BRINP3: variants seen among roughly 807,000 people sequenced by gnomAD.
The protein encoded by BRINP3 is BMP/retinoic acid inducible neural specific 3.
Under a neutral mutation model 71.0 loss-of-function variants are expected in BRINP3, and 19 were observed. That is an observed-to-expected ratio of 0.27 (90% CI 0.19 to 0.39). BRINP3 has a LOEUF of 0.39. Ranked by LOEUF, BRINP3 falls within the 10% of genes least tolerant of loss-of-function variation. The pLI, the probability that BRINP3 is intolerant of heterozygous loss-of-function variation, is 1.00. For synonymous variants in BRINP3, 380 were observed against 337.7 expected (o/e 1.13, Z -1.37); for missense variants, 959 against 940.8 (o/e 1.02, Z -0.25).
chr1:190,293,127 A>T (rs573515003), intron 2 of BRINP3, among the ~76,000 whole-genome samples: 25 of 151,910 alleles, frequency 1.6e-4, no homozygotes, highest in African/African-American at 5.8e-4. Flanking sequence ...TTAAGTTTTT[A>T]TGTGAAGTCT....
intron 2 of BRINP3, among the ~76,000 whole-genome samples, chr1:190,301,548 C>G (rs1015231870): frequency 2.0e-5 from 3 of 151,086 alleles, no homozygotes; most frequent in African/African-American, 7.3e-5. Flanking sequence ...TCCTTCCAAA[C>G]AATTTTATGT....
intron 2 of BRINP3, among the ~76,000 whole-genome samples, chr1:190,343,600 T>C (rs1159026582): frequency 1.3e-5 from 2 of 151,758 alleles, no homozygotes; most frequent in East Asian, 3.9e-4. Flanking sequence ...TTACTTTTAT[T>C]ATTATCATTA....
chr1:190,470,364 G>A (rs574101450), intron 1 of BRINP3, among the ~76,000 whole-genome samples: 10 of 150,974 alleles, frequency 6.6e-5, no homozygotes, highest in African/African-American at 2.4e-4. Flanking sequence ...CTAATGTAAT[G>A]TTCATGTATT....
chr1:190,107,639 C>T (rs1006742588), intron 7 of BRINP3, among the ~76,000 whole-genome samples: 7 of 151,876 alleles, frequency 4.6e-5, no homozygotes, highest in Admixed American at 3.3e-4. Flanking sequence ...CTGTGTTTGT[C>T]TATATGTTAG....
intron 2 of BRINP3, among the ~76,000 whole-genome samples, chr1:190,431,794 T>A (rs552921497): frequency 2.0e-5 from 3 of 152,258 alleles, no homozygotes; most frequent in African/African-American, 7.2e-5. Flanking sequence ...TTAAAGAGAA[T>A]TTTCTGCTGT....
rs191738646 is a variant in BRINP3 at position 190,324,084 on chromosome 1, G to A, written c.237-42334C>T. ...AACCTGTTTCAGATTGCAAAAAGTA[G>A]GAAGAACACTAGACATTTTGAAGAA... On this transcript the variant is annotated intron_variant, in intron 2 of 7. Transcript: ENST00000367462. 5.5e-3 allele frequency among the ~76,000 whole-genome samples: 842 copies of A among 151,914 alleles called. 12 individuals are homozygous for A. Among genetic ancestry groups the A allele is most frequent in the South Asian group, 0.041 (199 of 4,824 alleles).
intron 4 of BRINP3, among the ~76,000 whole-genome samples, chr1:190,263,701 T>C (rs535344987): frequency 1.3e-5 from 2 of 151,138 alleles, no homozygotes; most frequent in East Asian, 4.0e-4. Flanking sequence ...GCCATTCTCC[T>C]GCCTCAGCCT....
chr1:190,231,634 T>C (rs1657999873), intron 5 of BRINP3, among the ~76,000 whole-genome samples: 2 of 151,898 alleles, frequency 1.3e-5, no homozygotes, highest in South Asian at 4.1e-4. Flanking sequence ...TCAATATGCA[T>C]TTGCCAATAT....
intron 3 of BRINP3, among the ~76,000 whole-genome samples, chr1:190,280,248 G>A (rs370510659): frequency 7.2e-5 from 11 of 151,782 alleles, no homozygotes; most frequent in Non-Finnish European, 1.5e-4. Flanking sequence ...CATTGTGACT[G>A]TGACTGAAAA....
chr1:190,238,362 A>G (rs1160016013), intron 4 of BRINP3, among the ~76,000 whole-genome samples: 2 of 152,014 alleles, frequency 1.3e-5, no homozygotes, highest in Non-Finnish European at 2.9e-5. Context: ...TATTCACTAC[A>G]TACTCTGTTT....
chr1:190,350,129 G>A (rs1242805193), intron 2 of BRINP3, among the ~76,000 whole-genome samples: 2 of 152,066 alleles, frequency 1.3e-5, no homozygotes, highest in African/African-American at 2.4e-5. Context: ...TTGGTCAAAA[G>A]GATTGTGTTC....
intron 2 of BRINP3, among the ~76,000 whole-genome samples, chr1:190,328,330 A>T (rs1278933823): frequency 6.6e-6 from 1 of 152,124 alleles, no homozygotes; most frequent in Non-Finnish European, 1.5e-5. Flanking sequence ...AAAGAAAAAT[A>T]CACAGAAGAT....
chr1:190,188,793 T>C (rs1022906292), intron 6 of BRINP3, among the ~76,000 whole-genome samples: 1 of 151,890 alleles, frequency 6.6e-6, no homozygotes, highest in Non-Finnish European at 1.5e-5. Flanking sequence ...GGAGTCTTGC[T>C]CTTGTTGCCC....
intron 2 of BRINP3, among the ~76,000 whole-genome samples, chr1:190,447,542 A>T (rs1266884530): frequency 2.0e-5 from 3 of 146,974 alleles, no homozygotes; most frequent in East Asian, 2.0e-4. Context: ...TATATATATA[A>T]AATATATATA....
intron 4 of BRINP3, among the ~76,000 whole-genome samples, chr1:190,241,808 A>G (rs1659126797): frequency 1.3e-5 from 2 of 151,850 alleles, no homozygotes; most frequent in Admixed American, 1.3e-4. Flanking sequence ...AGATCTTTTA[A>G]AATTACATAT....
At chr1:190,148,585 G>A (rs1032768480) in intron 7 of BRINP3, among the ~76,000 whole-genome samples, 28 of 147,172 alleles carry the variant, frequency 1.9e-4, no homozygotes, top group African/African-American at 6.0e-4. Context: ...ACAGAGTTGA[G>A]ACTCTGTCAC....
At chr1:190,404,016 A>T (rs1310500598) in intron 2 of BRINP3, among the ~76,000 whole-genome samples, 1 of 152,116 alleles carries the variant, frequency 6.6e-6, no homozygotes, top group Non-Finnish European at 1.5e-5. Context: ...ACCTTATCTC[A>T]TTCAATCTTC....
intron 6 of BRINP3, among the ~76,000 whole-genome samples, chr1:190,162,349 C>T (rs2102464539): frequency 6.6e-6 from 1 of 151,940 alleles, no homozygotes; most frequent in East Asian, 1.9e-4. Context: ...GGCCCAGCTA[C>T]TTTTTTGTAA....
At chr1:190,380,809 TA>T (rs369122979) in intron 2 of BRINP3, among the ~76,000 whole-genome samples, 25 of 151,064 alleles carry the variant, frequency 1.7e-4, no homozygotes, top group African/African-American at 2.9e-4. Flanking sequence ...GCAGAACTTC[TA>T]AAAAAAAACA....
Sources: gnomAD v4.1 joint callset for allele counts (sites outside exome capture counted in the v4.1 genomes callset) on GRCh38, gnomAD v4.1.1 for gene constraint, MANE v1.5 for transcripts, NCBI Gene and HGNC (gene_info 2026-07-23, HGNC 2026-07-21) for gene names.